The following TXN2 variants were observed in gnomAD, a reference collection of about 807,000 sequenced individuals.
The protein encoded by TXN2 is thioredoxin, mitochondrial.
Under a neutral mutation model 14.6 loss-of-function variants are expected in TXN2, and 12 were observed. The observed-to-expected ratio is 0.82, with a 90% CI of 0.53 to 1.33. The LOEUF (loss-of-function observed/expected upper bound fraction) is 1.33. Among genes scored for constraint, TXN2 ranks in the 40% most tolerant of loss-of-function variants. TXN2 has a pLI of 0.00. For missense variants in TXN2, 173 were observed against 207.7 expected, an observed-to-expected ratio of 0.83 and a Z score of 1.03; for synonymous variants, 89 against 81.0, an observed-to-expected ratio of 1.10 and a Z score of -0.53.
chr22:36,479,334 CTT>C (rs773194867), intron 2 of TXN2, among the ~76,000 whole-genome samples: 24 of 139,340 alleles, frequency 1.7e-4, no homozygotes, highest in South Asian at 2.3e-4. Context: ...ATTTCTTTTT[CTT>C]TTTTTTTTTT....
chr22:36,476,586 C>T (rs1275627029), intron 3 of TXN2, 147 bp downstream of exon 3: 21 of 1,134,060 alleles, frequency 1.9e-5, no homozygotes, highest in Admixed American at 1.2e-4. Flanking sequence ...TGAGAGATTC[C>T]GTCTCAAAAA....
At position 36,476,748 on chromosome 22, in the gene TXN2, G is replaced by A. The variant is rs759707924; in HGVS notation, c.372C>T (p.Leu124=). 3.1e-6 allele frequency: 5 copies of A among 1,614,084 alleles called. No individual in the cohort carries two copies. The highest frequency in any genetic ancestry group is 1.1e-5 in the South Asian group (1 of 91,082). The change falls in exon 3 of 4, where the codon CTC becomes CTT. Residue 124 remains leucine, a synonymous_variant. Transcript: ENST00000216185. ...CAATCCATACCTCATACTCAATGGCGAGGTCTGTGTGGTCATCAATATCCA... is the reference window on the plus strand; with the variant it reads ...CAATCCATACCTCATACTCAATGGCAAGGTCTGTGTGGTCATCAATATCCA... ...AKVDIDDHTD[L]AIEYEVSAVP...
chr22:36,473,464 G>A (rs749824037), intron 3 of TXN2, among the ~76,000 whole-genome samples: 1 of 152,076 alleles, frequency 6.6e-6, no homozygotes, highest in Non-Finnish European at 1.5e-5. Flanking sequence ...AGGATTTTAG[G>A]CCTTAAAGAA....
intron 1 of TXN2, chr22:36,481,113 G>A: frequency 5.4e-6 from 2 of 367,414 alleles, no homozygotes; most frequent in South Asian, 4.9e-5. Context: ...GAAACCAACA[G>A]ATTTAATAAT....
intron 3 of TXN2, among the ~76,000 whole-genome samples, chr22:36,473,049 G>A (rs1017013623): frequency 3.3e-5 from 5 of 152,188 alleles, no homozygotes; most frequent in African/African-American, 1.2e-4. Flanking sequence ...GCTCATGCCT[G>A]TAATGCCAGC....
At chr22:36,468,013 C>T in intron 3 of TXN2, 96 bp from the exon 4 acceptor site, 4 of 1,065,218 alleles carry the variant, frequency 3.8e-6, no homozygotes, top group Non-Finnish European at 5.7e-6. Context: ...GTGGCTTATC[C>T]AGGGCACTGA....
In TXN2 at chr22:36,475,115, C is replaced by T. The variant is rs8137138; in HGVS notation, c.387+1618G>A. Among the ~76,000 whole-genome samples the T allele has an allele frequency of 3.2e-3, 495 of 152,360 alleles. 3 individuals carry two copies. The highest frequency in any genetic ancestry group is 0.011 in the African/African-American group (473 of 41,578). On this transcript the variant is annotated intron_variant, in intron 3 of 3. Coordinates refer to ENST00000216185, the MANE Select transcript of TXN2 (RefSeq NM_012473.4). The stretch of plus-strand genomic sequence containing the variant: ...GAAACCCGCTGGGCGCGGTGGCTTA[C>T]GCCTGTAATCCCAGCACTTTGGGAG...
intron 2 of TXN2, among the ~76,000 whole-genome samples, chr22:36,477,833 C>T (rs1395093651): frequency 6.6e-6 from 1 of 152,000 alleles, no homozygotes; most frequent in Non-Finnish European, 1.5e-5. Context: ...CAACCCAAAG[C>T]TGTGTTGAAA....
chr22:36,477,271 G>A (rs939666466), intron 2 of TXN2, among the ~76,000 whole-genome samples: 2 of 152,096 alleles, frequency 1.3e-5, no homozygotes, highest in South Asian at 2.1e-4. Flanking sequence ...GCAGTGGCGC[G>A]ATCTCGGCTC....
intron 2 of TXN2, among the ~76,000 whole-genome samples, chr22:36,480,141 C>T (rs539323208): frequency 3.9e-4 from 60 of 152,238 alleles, no homozygotes; most frequent in African/African-American, 1.3e-3. Flanking sequence ...CCTTGGCCTC[C>T]CAAAGTGCTG....
At position 36,467,589 on chromosome 22, in the gene TXN2, G is replaced by A; in HGVS notation, c.*215C>T. 1 of 550,358 alleles carries A rather than the reference G, an allele frequency of 1.8e-6. No homozygotes were observed. The highest frequency in any genetic ancestry group is 3.3e-6 in the Non-Finnish European group (1 of 304,242). The allele number at this position is 550,358 out of a possible 1,614,324, so 34.1% of individuals were successfully genotyped here. On this transcript the variant is annotated 3_prime_UTR_variant, in exon 4 of 4. Transcript: ENST00000216185. The stretch of plus-strand genomic sequence containing the variant: ...GGAGGGATGAAAGGCGTATGGGAGG[G>A]AAGACAGCGGTCCCCGGATCAGCAG...
intron 3 of TXN2, 128 bp downstream of exon 3, chr22:36,476,605 T>C (rs1603488831): frequency 3.0e-6 from 4 of 1,319,072 alleles, no homozygotes; most frequent in Non-Finnish European, 3.1e-6. Flanking sequence ...AAAAAAAAGC[T>C]CTGGAAAAAC....
intron 3 of TXN2, among the ~76,000 whole-genome samples, chr22:36,473,975 G>A (rs987032111): frequency 6.6e-6 from 1 of 152,240 alleles, no homozygotes; most frequent in African/African-American, 2.4e-5. Flanking sequence ...CTGCTGAAGA[G>A]TTATGAATAC....
intron 3 of TXN2, among the ~76,000 whole-genome samples, chr22:36,472,220 A>G (rs1478415563): frequency 6.6e-6 from 1 of 152,344 alleles, no homozygotes; most frequent in Non-Finnish European, 1.5e-5. Flanking sequence ...AATGAACTAC[A>G]TAACATTCTG....
At chr22:36,476,907 TC>T (rs753794350) in intron 2 of TXN2, 51 bp from the exon 3 acceptor site, 2 of 1,611,588 alleles carry the variant, frequency 1.2e-6, no homozygotes, top group East Asian at 4.5e-5. Flanking sequence ...GCGCTCAGCA[TC>T]CCCTACTGGC....
chr22:36,469,958 C>G (rs1404381070), intron 3 of TXN2, among the ~76,000 whole-genome samples: 11 of 151,952 alleles, frequency 7.2e-5, no homozygotes, highest in Non-Finnish European at 8.8e-5. Flanking sequence ...TCTGTTCCCC[C>G]CCTCAAAATA....
In TXN2 at chr22:36,467,831, C is replaced by T. The variant is rs778703362; in HGVS notation, c.474G>A (p.Glu158=). The T allele has an allele frequency of 6.2e-7, 1 of 1,614,108 alleles. No homozygotes were observed. The highest frequency in any genetic ancestry group is 1.1e-5 in the South Asian group (1 of 91,084). Residue 158 remains glutamate, a synonymous_variant, in exon 4 of 4, where the codon GAG becomes GAA. Coordinates refer to ENST00000216185, the MANE Select transcript of TXN2 (RefSeq NM_012473.4). ...AGCCAATCAGCTTCTTCAGGAAGGCCTCCAACTGATCCTCATCCTTGATGC... is the reference window on the plus strand; with the variant it reads ...AGCCAATCAGCTTCTTCAGGAAGGCTTCCAACTGATCCTCATCCTTGATGC... ...FVGIKDEDQL[E]AFLKKLIG
intron 3 of TXN2, among the ~76,000 whole-genome samples, chr22:36,469,386 G>T (rs1057452074): frequency 2.1e-5 from 3 of 144,010 alleles, no homozygotes; most frequent in Non-Finnish European, 4.7e-5. Context: ...GCTTGCTGCT[G>T]TGATGAGTGA....
chr22:36,475,819 C>A (rs1933373851), intron 3 of TXN2, among the ~76,000 whole-genome samples: 1 of 152,176 alleles, frequency 6.6e-6, no homozygotes, highest in African/African-American at 2.4e-5. Context: ...ACAAACCAAC[C>A]AACCAAGTGA....
Sources: allele counts gnomAD v4.1 joint callset (sites outside exome capture counted in the v4.1 genomes callset), GRCh38; gene constraint gnomAD v4.1.1; transcripts MANE v1.5; gene names NCBI Gene and HGNC (gene_info 2026-07-23, HGNC 2026-07-21).